GPC6: variants seen among roughly 807,000 people sequenced by gnomAD.
The protein encoded by GPC6 is glypican-6.
In GPC6, 14 loss-of-function variants were observed where a neutral mutation model predicts 55.2. The ratio of observed to expected loss-of-function variants is 0.25; its 90% confidence interval spans 0.17 to 0.40. The LOEUF is 0.40. Among genes scored for constraint, GPC6 ranks in the 10% least tolerant of loss-of-function variants. The pLI, the probability that GPC6 is intolerant of heterozygous loss-of-function variation, is 1.00. For synonymous variants in GPC6, 278 were observed against 259.6 expected (o/e 1.07, Z -0.68); for missense variants, 641 against 708.5 (o/e 0.90, Z 1.08).
chr13:94,005,167 G>A (rs1431745806), intron 3 of GPC6, among the ~76,000 whole-genome samples: 1 of 152,106 alleles, frequency 6.6e-6, no homozygotes, highest in Admixed American at 6.5e-5. Flanking sequence ...AGGAGGTATG[G>A]GAAATGACAT....
chr13:93,607,753 G>T (rs1325974657), intron 2 of GPC6, among the ~76,000 whole-genome samples: 1 of 152,128 alleles, frequency 6.6e-6, no homozygotes, highest in African/African-American at 2.4e-5. Flanking sequence ...CCACTGCCCT[G>T]TGTGGCTTCA....
At chr13:94,255,474 G>T (rs1238383669) in intron 4 of GPC6, among the ~76,000 whole-genome samples, 1 of 152,172 alleles carries the variant, frequency 6.6e-6, no homozygotes, top group East Asian at 1.9e-4. Flanking sequence ...GAGAAGCCAT[G>T]TGTGGAAGGA....
At chr13:94,029,353 T>C (rs937011957) in intron 4 of GPC6, among the ~76,000 whole-genome samples, 6 of 152,262 alleles carry the variant, frequency 3.9e-5, no homozygotes, top group Admixed American at 3.9e-4. Flanking sequence ...TTTTTAAAAG[T>C]TAATCATTAA....
intron 6 of GPC6, among the ~76,000 whole-genome samples, chr13:94,350,671 T>C (rs1878496065): frequency 6.6e-6 from 1 of 150,966 alleles, no homozygotes; most frequent in Admixed American, 6.6e-5. Context: ...ATGTATCATA[T>C]TATATATGCA....
intron 6 of GPC6, among the ~76,000 whole-genome samples, chr13:94,316,874 G>C (rs1201648998): frequency 6.6e-6 from 1 of 152,210 alleles, no homozygotes; most frequent in African/African-American, 2.4e-5. Flanking sequence ...TAGGCAAAGC[G>C]ATTTTTCTGC....
At chr13:93,322,431 C>CTT (rs71272281) in intron 1 of GPC6, among the ~76,000 whole-genome samples, 970 of 96,686 alleles carry the variant, frequency 0.01, 18 homozygotes, top group African/African-American at 0.022. Context: ...TTTCTTTCTT[C>CTT]TTTTTTTTTT....
chr13:94,394,958 C>T (rs141166914), intron 7 of GPC6, among the ~76,000 whole-genome samples: 2 of 152,258 alleles, frequency 1.3e-5, no homozygotes, highest in African/African-American at 4.8e-5. Flanking sequence ...TCTCAGCTAA[C>T]CATGCAGTGC....
intron 3 of GPC6, among the ~76,000 whole-genome samples, chr13:94,018,160 G>C (rs2138708058): frequency 6.6e-6 from 1 of 152,060 alleles, no homozygotes; most frequent in African/African-American, 2.4e-5. Flanking sequence ...TTTCTTTTCT[G>C]CATAATTTAG....
At chr13:93,804,383 C>T (rs1886475504) in intron 2 of GPC6, among the ~76,000 whole-genome samples, 2 of 152,206 alleles carry the variant, frequency 1.3e-5, no homozygotes, top group Middle Eastern at 3.4e-3. Flanking sequence ...ATGTACATGA[C>T]CTAAAATTTA....
chr13:93,250,335 G>T (rs1213460844), intron 1 of GPC6, among the ~76,000 whole-genome samples: 1 of 152,208 alleles, frequency 6.6e-6, no homozygotes, highest in African/African-American at 2.4e-5. Flanking sequence ...GAGGGTCCTA[G>T]GGCTCTGCCC....
intron 5 of GPC6, among the ~76,000 whole-genome samples, chr13:94,288,885 A>ATATATATATTTGTT (rs1874738973): frequency 2.4e-4 from 8 of 33,384 alleles, no homozygotes; most frequent in South Asian, 1.6e-3. Context: ...ATATATAACT[A>ATATATATATTTGTT]ATATATATAA....
chr13:93,962,297 A>G (rs1879815277), intron 3 of GPC6, among the ~76,000 whole-genome samples: 1 of 152,172 alleles, frequency 6.6e-6, no homozygotes, highest in South Asian at 2.1e-4. Flanking sequence ...TAAGCATTTG[A>G]TAAGGTTCTT....
chr13:93,825,512 T>C (rs575071703), intron 2 of GPC6, among the ~76,000 whole-genome samples: 6 of 152,272 alleles, frequency 3.9e-5, no homozygotes, highest in African/African-American at 1.2e-4. Flanking sequence ...CTCTGGGAAG[T>C]GGGAAGAGAT....
At chr13:93,878,998 C>G (rs9516307) in intron 3 of GPC6, among the ~76,000 whole-genome samples, 35,712 of 151,934 alleles carry the variant, frequency 0.24, 4,718 homozygotes, top group East Asian at 0.34. Context: ...GCAGAGCAGA[C>G]AAGTGATAAG....
chr13:93,315,840 C>T (rs765785350), intron 1 of GPC6, among the ~76,000 whole-genome samples: 33 of 151,724 alleles, frequency 2.2e-4, no homozygotes, highest in Non-Finnish European at 4.0e-4. Context: ...TTTATCTCTG[C>T]GTACCACTGT....
At chr13:93,479,935 T>G (rs1049347525) in intron 1 of GPC6, among the ~76,000 whole-genome samples, 17 of 152,170 alleles carry the variant, frequency 1.1e-4, no homozygotes, top group African/African-American at 4.1e-4. Flanking sequence ...AACAAATAAA[T>G]GAGACATGCA....
At chr13:93,231,402 T>TACATATATATATATACAC in intron 1 of GPC6, among the ~76,000 whole-genome samples, 1 of 39,298 alleles carries the variant, frequency 2.5e-5, no homozygotes, top group East Asian at 8.3e-4. Context: ...TATATGTATA[T>TACATATATATATATACAC]ATATATATAT....
chr13:94,333,833 A>G (rs1410661764), intron 6 of GPC6, among the ~76,000 whole-genome samples: 8 of 152,216 alleles, frequency 5.3e-5, no homozygotes, highest in African/African-American at 1.7e-4. Context: ...CAATGAAGAT[A>G]GCCAGTGAAG....
chr13:94,331,153 G>A (rs530929510), intron 6 of GPC6, among the ~76,000 whole-genome samples: 27 of 152,256 alleles, frequency 1.8e-4, no homozygotes, highest in African/African-American at 6.0e-4. Context: ...CAGCTAGTCA[G>A]ACAAGTTTCT....
Sources: allele counts gnomAD v4.1 joint callset (sites outside exome capture counted in the v4.1 genomes callset), GRCh38; gene constraint gnomAD v4.1.1; transcripts MANE v1.5; gene names NCBI Gene and HGNC (gene_info 2026-07-23, HGNC 2026-07-21).